ATF7: variants seen among roughly 807,000 people sequenced by gnomAD.
ATF7 encodes activating transcription factor 7.
ATF7 carries 10 observed loss-of-function variants against 50.4 expected under a neutral mutation model. The observed-to-expected ratio is 0.20, with a 90% CI of 0.12 to 0.34. ATF7 has a LOEUF of 0.34. Among genes scored for constraint, ATF7 ranks in the 10% least tolerant of loss-of-function variants. The pLI, the probability that ATF7 is intolerant of heterozygous loss-of-function variation, is 1.00. For synonymous variants in ATF7, 201 were observed against 226.4 expected (o/e 0.89, Z 1.01); for missense variants, 465 against 613.9 (o/e 0.76, Z 2.56).
At position 53,515,922 on chromosome 12, in the gene ATF7, T is replaced by G. The variant is rs1460857432; in HGVS notation, c.*1215A>C. On this transcript the variant is annotated 3_prime_UTR_variant, in exon 12 of 12. Coordinates refer to ENST00000420353, the MANE Select transcript of ATF7 (RefSeq NM_006856.3). ...AAGAGAAAGAAGATAGTCCAGACGGTGATGGGCACTTGTGAACAGAAGACT... is the reference window on the plus strand; with the variant it reads ...AAGAGAAAGAAGATAGTCCAGACGGGGATGGGCACTTGTGAACAGAAGACT... 1 of 152,138 alleles carries G rather than the reference T, an allele frequency of 6.6e-6. No individual in the cohort carries two copies. The highest frequency in any genetic ancestry group is 1.5e-5 in the Non-Finnish European group (1 of 68,098). The allele number at this position is 152,138 out of a possible 1,614,324, so 9.4% of individuals were successfully genotyped here. A position where few individuals can be genotyped will look rare whatever the true frequency, so the allele number is the denominator to read the frequency against.
chr12:53,610,865 T>C (rs996911812), intron 1 of ATF7, among the ~76,000 whole-genome samples: 3 of 152,182 alleles, frequency 2.0e-5, no homozygotes, highest in Non-Finnish European at 4.4e-5. Flanking sequence ...GGTCTCGCTG[T>C]CACCCAGGCT....
intron 3 of ATF7, among the ~76,000 whole-genome samples, chr12:53,544,739 ACT>A (rs1236425003): frequency 2.6e-5 from 4 of 151,878 alleles, no homozygotes; most frequent in Non-Finnish European, 5.9e-5. Context: ...ACAGAGTGAG[ACT>A]CTGTCTCAAA....
chr12:53,531,500 A>G (rs1938888252), intron 9 of ATF7, among the ~76,000 whole-genome samples: 1 of 152,038 alleles, frequency 6.6e-6, no homozygotes. Flanking sequence ...AGTCTAACAC[A>G]AGGGTGAATA....
chr12:53,565,399 A>AGTCTCC (rs1435398323), intron 2 of ATF7, among the ~76,000 whole-genome samples: 1 of 145,786 alleles, frequency 6.9e-6, no homozygotes, highest in Non-Finnish European at 1.5e-5. Context: ...TGGTCATCTC[A>AGTCTCC]GTTTCTGCTA....
At chr12:53,558,331 G>A (rs1940874728) in intron 2 of ATF7, among the ~76,000 whole-genome samples, 1 of 152,178 alleles carries the variant, frequency 6.6e-6, no homozygotes, top group Non-Finnish European at 1.5e-5. Context: ...ACAAAGAACT[G>A]CATAACTCAA....
chr12:53,553,839 C>G (rs1387868018), intron 2 of ATF7, among the ~76,000 whole-genome samples: 5 of 152,210 alleles, frequency 3.3e-5, no homozygotes, highest in Admixed American at 6.5e-5. Context: ...ATACGTTTAG[C>G]CTTCTTTTCC....
At position 53,517,253 on chromosome 12, in the gene ATF7, C is replaced by T. The variant is rs1937764771; in HGVS notation, c.1336G>A (p.Ala446Thr). Reference sequence around the variant, plus strand: ...AGGACCGAGGTGGCCACAGCTTCAGCTGCAGAGCGAACACTGAGGCCATTG... The same window carrying T: ...AGGACCGAGGTGGCCACAGCTTCAGTTGCAGAGCGAACACTGAGGCCATTG... ...PSNGLSVRSA[A>T]EAVATSVLTQ... Residue 446 changes from alanine (A) to threonine (T), a missense_variant, in exon 12 of 12, where the codon GCT becomes ACT. Physicochemically the swap from Ala to Thr is moderately conservative, Grantham distance 58 (BLOSUM62 0). Transcript: ENST00000420353. 3.7e-6 allele frequency: 6 copies of T among 1,614,070 alleles called. No individual in the cohort carries two copies. The highest frequency in any genetic ancestry group is 4.2e-6 in the Non-Finnish European group (5 of 1,179,916).
At chr12:53,585,146 A>T (rs532119739) in intron 2 of ATF7, among the ~76,000 whole-genome samples, 5 of 149,246 alleles carry the variant, frequency 3.4e-5, no homozygotes, top group South Asian at 4.3e-4. Context: ...CTAATTTTTA[A>T]TTTTTTTTTT....
intron 1 of ATF7, among the ~76,000 whole-genome samples, chr12:53,614,654 G>A (rs972990977): frequency 3.3e-5 from 5 of 152,170 alleles, no homozygotes; most frequent in Non-Finnish European, 7.3e-5. Context: ...TCCTAAGTCT[G>A]TCCACATATT....
chr12:53,571,780 G>C (rs574993833), intron 2 of ATF7, among the ~76,000 whole-genome samples: 1 of 152,038 alleles, frequency 6.6e-6, no homozygotes, highest in African/African-American at 2.4e-5. Flanking sequence ...TAAAAAATGT[G>C]TTTTGGTTGG....
chr12:53,537,499 G>T lies in ATF7; in HGVS notation c.318C>A (p.Ile106=), dbSNP rs1247994222. The change falls in exon 5 of 12, where the codon ATC becomes ATA. Residue 106 remains isoleucine (I), a synonymous_variant. Coordinates refer to ENST00000420353, the MANE Select transcript of ATF7 (RefSeq NM_006856.3). ...MSLPSTPDIK[I]KEEEPVEVDS... ...CTACCTCCACTGGCTCTTCTTCTTT[G>T]ATTTTGATGTCTGGTGTGGAAGGCA... 6.2e-7 allele frequency: 1 copy of T among 1,613,712 alleles called. No homozygotes were observed. Among genetic ancestry groups the T allele is most frequent in the Non-Finnish European group, 8.5e-7 (1 of 1,179,864 alleles).
In ATF7 at chr12:53,611,353, T is replaced by A. The variant is rs1271262027; in HGVS notation, c.-21-10332A>T. 2.0e-5 allele frequency among the ~76,000 whole-genome samples: 3 copies of A among 152,068 alleles called. No homozygotes were observed. In the East Asian group the frequency reaches 5.8e-4, roughly 30 times the overall value. Reference sequence around the variant, plus strand: ...GCATGGTGGCACGTGCTCCGGAGGCTGAGGCAGGAGAATCGCTCAAACCAG... The same window carrying A: ...GCATGGTGGCACGTGCTCCGGAGGCAGAGGCAGGAGAATCGCTCAAACCAG... On this transcript the variant is annotated intron_variant, in intron 1 of 11. Coordinates refer to ENST00000420353, the MANE Select transcript of ATF7 (RefSeq NM_006856.3).
At chr12:53,551,392 C>A (rs748928972) in intron 3 of ATF7, among the ~76,000 whole-genome samples, 14 of 152,122 alleles carry the variant, frequency 9.2e-5, no homozygotes, top group Admixed American at 2.0e-4. Flanking sequence ...GAACTCCCAG[C>A]CTCAAGCAAT....
At chr12:53,526,489 TATAAC>T (rs1372667180) in intron 9 of ATF7, among the ~76,000 whole-genome samples, 3 of 152,234 alleles carry the variant, frequency 2.0e-5, no homozygotes, top group Non-Finnish European at 4.4e-5. Context: ...AGATAATACA[TATAAC>T]ATACAAAATG....
At chr12:53,531,017 A>G (rs1283839805) in intron 9 of ATF7, among the ~76,000 whole-genome samples, 1 of 152,200 alleles carries the variant, frequency 6.6e-6, no homozygotes, top group East Asian at 1.9e-4. Context: ...TTAAGACTTA[A>G]TAGATAGGAA....
chr12:53,602,123 T>A (rs1943431404), intron 1 of ATF7, among the ~76,000 whole-genome samples: 1 of 150,668 alleles, frequency 6.6e-6, no homozygotes, highest in African/African-American at 2.4e-5. Flanking sequence ...AAAAATGGAG[T>A]GGGGGGTAAA....
At chr12:53,545,243 T>C (rs1939826614) in intron 3 of ATF7, among the ~76,000 whole-genome samples, 1 of 152,168 alleles carries the variant, frequency 6.6e-6, no homozygotes, top group Admixed American at 6.5e-5. Flanking sequence ...TGGCTCTGGT[T>C]TGTGAACAAA....
chr12:53,552,992 A>G lies in ATF7; in HGVS notation c.49-355T>C, dbSNP rs112604127. Among the ~76,000 whole-genome samples the G allele has an allele frequency of 4.9e-3, 739 of 152,240 alleles. 5 individuals are homozygous for G. Among genetic ancestry groups the G allele is most frequent in the African/African-American group, 0.017 (712 of 41,540 alleles). On this transcript the variant is annotated intron_variant, in intron 2 of 11. Transcript: ENST00000420353. ...AAGCAATTTTTAATAATAATAATAG[A>G]GAAGGGAAGGGCTGGGCACTAGTTG...
At chr12:53,599,457 G>GAT (rs149294466) in intron 2 of ATF7, among the ~76,000 whole-genome samples, 26,089 of 149,596 alleles carry the variant, frequency 0.17, 2,864 homozygotes, top group East Asian at 0.56. Context: ...TATAAATGGA[G>GAT]ATATATATAT....
Sources: gnomAD v4.1 joint callset for allele counts (sites outside exome capture counted in the v4.1 genomes callset) on GRCh38, gnomAD v4.1.1 for gene constraint, MANE v1.5 for transcripts, NCBI Gene and HGNC (gene_info 2026-07-23, HGNC 2026-07-21) for gene names.